Variants in DSTN observed in about 807,000 individuals in gnomAD.
The protein encoded by DSTN is destrin, actin depolymerizing factor.
In DSTN, 10 loss-of-function variants were observed where a neutral mutation model predicts 16.8. The observed-to-expected ratio is 0.60, with a 90% CI of 0.37 to 1.01. DSTN has a LOEUF of 1.01. DSTN is among the 50% of genes least tolerant of loss of function. DSTN has a pLI of 0.01. For synonymous variants in DSTN, 57 were observed against 58.9 expected (o/e 0.97, Z 0.14); for missense variants, 141 against 196.7 (o/e 0.72, Z 1.69).
intron 1 of DSTN, among the ~76,000 whole-genome samples, chr20:17,579,981 GTTCATCTTTATATCCTGTA>G (rs2035325278): frequency 6.6e-6 from 1 of 152,152 alleles, no homozygotes; most frequent in South Asian, 2.1e-4. Flanking sequence ...TCAAAGTTTT[GTTCATCTTTATATCCTGTA>G]TTCATCTTTA....
intron 1 of DSTN, among the ~76,000 whole-genome samples, chr20:17,593,354 T>A (rs189908016): frequency 6.6e-6 from 1 of 152,368 alleles, no homozygotes; most frequent in East Asian, 1.9e-4. Flanking sequence ...AACTAATGAT[T>A]CATCTGACTG....
intron 1 of DSTN, among the ~76,000 whole-genome samples, chr20:17,570,959 C>G (rs1272067547): frequency 6.6e-6 from 1 of 152,158 alleles, no homozygotes; most frequent in Non-Finnish European, 1.5e-5. Context: ...TCTGCCAGAA[C>G]TTGGTGCGCA....
chr20:17,607,210 A>C lies in DSTN; in HGVS notation c.*64A>C. 1 of 1,502,580 alleles carries C rather than the reference A, an allele frequency of 6.7e-7. No individual in the cohort carries two copies. The highest frequency in any genetic ancestry group is 2.3e-5 in the East Asian group (1 of 43,928). The allele number at this position is 1,502,580 out of a possible 1,614,324, so 93.1% of individuals were successfully genotyped here. A position where few individuals can be genotyped will look rare whatever the true frequency, so the allele number is the denominator to read the frequency against. On this transcript the variant is annotated 3_prime_UTR_variant, in exon 4 of 4. Coordinates refer to ENST00000246069, the MANE Select transcript of DSTN (RefSeq NM_006870.4). ...TGTTATCCTCTTGCTATATAAATAAAGCAAATATATTTAGGCCAGGGTCTC... is the reference window on the plus strand; with the variant it reads ...TGTTATCCTCTTGCTATATAAATAACGCAAATATATTTAGGCCAGGGTCTC...
At chr20:17,597,611 T>C (rs1042953563) in intron 1 of DSTN, among the ~76,000 whole-genome samples, 1 of 152,224 alleles carries the variant, frequency 6.6e-6, no homozygotes, top group Non-Finnish European at 1.5e-5. Flanking sequence ...CTCCCCTGGC[T>C]CTCCATTGTC....
chr20:17,600,979 A>G lies in DSTN; in HGVS notation c.245A>G (p.Tyr82Cys). ...VGMLPEKDCR[Y>C]ALYDASFETK... is the part of the protein sequence containing the mutation. ...ATGCTTCCTGAAAAAGATTGTCGCTATGCTTTGTATGATGCAAGCTTTGAA... is the reference window on the plus strand; with the variant it reads ...ATGCTTCCTGAAAAAGATTGTCGCTGTGCTTTGTATGATGCAAGCTTTGAA... The change falls in exon 2 of 4, where the codon TAT (tyrosine) becomes TGT (cysteine). Residue 82 changes from tyrosine to cysteine, a missense_variant. Coordinates refer to ENST00000246069, the MANE Select transcript of DSTN (RefSeq NM_006870.4). 3.1e-6 allele frequency: 5 copies of G among 1,613,604 alleles called. No individual in the cohort carries two copies. The highest frequency in any genetic ancestry group is 3.4e-6 in the Non-Finnish European group (4 of 1,179,754).
chr20:17,607,232 TCTCA>T lies in DSTN; in HGVS notation c.*89_*92del. ...TAAAGCAAATATATTTAGGCCAGGG[TCTCA>T]CTGAGGGGGAGCTGTCTTGTCATCT... On this transcript the variant is annotated 3_prime_UTR_variant, in exon 4 of 4. Coordinates refer to ENST00000246069, the MANE Select transcript of DSTN (RefSeq NM_006870.4). 1.6e-6 allele frequency: 2 copies of T among 1,255,096 alleles called. No individual in the cohort carries two copies. Among genetic ancestry groups the T allele is most frequent in the Non-Finnish European group, 2.2e-6 (2 of 890,980 alleles). 77.7% of individuals were successfully genotyped at this position (1,255,096 alleles called of 1,614,324 possible).
At chr20:17,602,549 C>T (rs2035597696) in intron 2 of DSTN, among the ~76,000 whole-genome samples, 1 of 152,110 alleles carries the variant, frequency 6.6e-6, no homozygotes, top group Non-Finnish European at 1.5e-5. Context: ...AGTGTTAGTG[C>T]AGTGGTTTAT....
Position 17,607,231 on chromosome 20 carries a change from G to A in DSTN, c.*85G>A. ...ATAAAGCAAATATATTTAGGCCAGG[G>A]TCTCACTGAGGGGGAGCTGTCTTGT... On this transcript the variant is annotated 3_prime_UTR_variant, in exon 4 of 4. Coordinates refer to ENST00000246069, the MANE Select transcript of DSTN (RefSeq NM_006870.4). The A allele has an allele frequency of 8.0e-7, 1 of 1,252,938 alleles. No homozygotes were observed. Among genetic ancestry groups the A allele is most frequent in the African/African-American group, 1.5e-5 (1 of 66,448 alleles). 77.6% of individuals were successfully genotyped at this position (1,252,938 alleles called of 1,614,324 possible).
At chr20:17,574,201 TCAAAAAA>T (rs962442289) in intron 1 of DSTN, among the ~76,000 whole-genome samples, 6 of 151,850 alleles carry the variant, frequency 4.0e-5, no homozygotes, top group Non-Finnish European at 8.8e-5. Context: ...AGACCCTGTC[TCAAAAAA>T]CAAGAACATG....
intron 1 of DSTN, chr20:17,591,890 T>G (rs1290383749): frequency 1.3e-5 from 13 of 985,322 alleles, no homozygotes; most frequent in African/African-American, 1.7e-5. Context: ...TTGCAGTTAC[T>G]TTAATCATTG....
intron 1 of DSTN, among the ~76,000 whole-genome samples, chr20:17,588,277 CCT>C (rs1008945125): frequency 3.0e-4 from 45 of 152,106 alleles, no homozygotes; most frequent in African/African-American, 7.2e-4. Context: ...CCTGGAATCC[CCT>C]GTTTGAGTTA....
intron 1 of DSTN, among the ~76,000 whole-genome samples, chr20:17,598,249 A>C (rs1027966597): frequency 6.6e-6 from 1 of 152,128 alleles, no homozygotes; most frequent in Non-Finnish European, 1.5e-5. Context: ...TTTATGTTTA[A>C]CTTTTTGAGG....
chr20:17,591,117 C>T lies in DSTN; in HGVS notation c.4-9621C>T, dbSNP rs541802839. Among the ~76,000 whole-genome samples the T allele has an allele frequency of 2.6e-5, 4 of 152,220 alleles. No individual in the cohort carries two copies. In the East Asian group the frequency reaches 7.7e-4, roughly 29 times the overall value. ...AGCAAGACCCTGTCCCCCTTCCCCC[C>T]CAGAAAAACCACGGAAATACTGAAA... On this transcript the variant is annotated intron_variant, in intron 1 of 3. Transcript: ENST00000246069.
At chr20:17,582,575 G>A (rs1411465092) in intron 1 of DSTN, among the ~76,000 whole-genome samples, 5 of 152,154 alleles carry the variant, frequency 3.3e-5, no homozygotes, top group East Asian at 3.9e-4. Context: ...CCAGTGTGAC[G>A]TGAGTGCCAG....
At chr20:17,570,338 A>G in intron 1 of DSTN, 127 bp downstream of exon 1, 1 of 1,275,320 alleles carries the variant, frequency 7.8e-7, no homozygotes, top group South Asian at 1.8e-5. Flanking sequence ...GTCCGGCTGC[A>G]GTGTCCGGGC....
chr20:17,575,486 A>T (rs75180366), intron 1 of DSTN, among the ~76,000 whole-genome samples: 1 of 150,398 alleles, frequency 6.6e-6, no homozygotes, highest in Non-Finnish European at 1.5e-5. Context: ...TTTTGGAGAC[A>T]GGGTCTCATT....
intron 1 of DSTN, among the ~76,000 whole-genome samples, chr20:17,586,091 A>G (rs1484525735): frequency 6.6e-6 from 1 of 152,134 alleles, no homozygotes; most frequent in African/African-American, 2.4e-5. Context: ...GATATATTTT[A>G]ATTTTTTCTT....
chr20:17,596,753 A>G (rs1396671760), intron 1 of DSTN: 61 of 985,090 alleles, frequency 6.2e-5, no homozygotes, highest in Admixed American at 1.2e-4. Flanking sequence ...ATAGAAAAAA[A>G]GACAAAATTC....
At chr20:17,578,503 G>A (rs2035304960) in intron 1 of DSTN, among the ~76,000 whole-genome samples, 1 of 152,178 alleles carries the variant, frequency 6.6e-6, no homozygotes, top group Middle Eastern at 3.2e-3. Flanking sequence ...CTTCAAGATA[G>A]TTAAGGCAGT....
Sources: allele counts gnomAD v4.1 joint callset (sites outside exome capture counted in the v4.1 genomes callset), GRCh38; gene constraint gnomAD v4.1.1; transcripts MANE v1.5; gene names NCBI Gene and HGNC (gene_info 2026-07-23, HGNC 2026-07-21).